SNTG2: variants seen among roughly 807,000 people sequenced by gnomAD.
SNTG2 encodes gamma-2-syntrophin.
SNTG2 carries 74 observed loss-of-function variants against 70.9 expected under a neutral mutation model. That is an observed-to-expected ratio of 1.04 (90% CI 0.86 to 1.27). The LOEUF (loss-of-function observed/expected upper bound fraction) is 1.27. Ranked by LOEUF, SNTG2 falls within the 50% of genes most tolerant of loss-of-function variation. The pLI, the probability that SNTG2 is intolerant of heterozygous loss-of-function variation, is 0.00. For synonymous variants in SNTG2, 278 were observed against 273.8 expected, an observed-to-expected ratio of 1.02 and a Z score of -0.15; for missense variants, 717 against 690.7, an observed-to-expected ratio of 1.04 and a Z score of -0.43.
At chr2:1,199,202 C>T (rs576162904) in intron 8 of SNTG2, among the ~76,000 whole-genome samples, 8 of 151,196 alleles carry the variant, frequency 5.3e-5, no homozygotes, top group Non-Finnish European at 1.0e-4. Flanking sequence ...CAAGATTCAT[C>T]CCAGAGATGG....
chr2:1,110,605 C>G (rs1666378021), intron 4 of SNTG2, among the ~76,000 whole-genome samples: 1 of 152,182 alleles, frequency 6.6e-6, no homozygotes. Context: ...AAAGCAGAGA[C>G]TTGAGCAGCT....
At chr2:1,364,644 G>A (rs544154291) in intron 16 of SNTG2, among the ~76,000 whole-genome samples, 2 of 150,746 alleles carry the variant, frequency 1.3e-5, no homozygotes, top group South Asian at 4.2e-4. Flanking sequence ...TGTAGTCCCA[G>A]CTACTTGGGA....
At chr2:1,131,867 G>A (rs1313882670) in intron 4 of SNTG2, among the ~76,000 whole-genome samples, 1 of 151,926 alleles carries the variant, frequency 6.6e-6, no homozygotes. Flanking sequence ...AGCCAGGATG[G>A]TCTCGATCTC....
At chr2:1,325,392 G>A (rs1046859618) in intron 16 of SNTG2, among the ~76,000 whole-genome samples, 22 of 152,160 alleles carry the variant, frequency 1.4e-4, no homozygotes, top group African/African-American at 5.1e-4. Flanking sequence ...TTTTTACTCT[G>A]TAAACAAAAT....
rs542239351 is a variant in SNTG2, at chr2:1,254,553, A to G, written c.1006-4817A>G. Among the ~76,000 whole-genome samples, 7 of 152,380 alleles carry G rather than the reference A, an allele frequency of 4.6e-5. No homozygotes were observed. In the South Asian group the frequency reaches 1.4e-3, roughly 32 times the overall value. On this transcript the variant is annotated intron_variant, in intron 12 of 16. Transcript: ENST00000308624. ...ACTATCAATTACATAGGTATATTCTATCATTAAAAATATTACTTGGAAAAA... is the reference window on the plus strand; with the variant it reads ...ACTATCAATTACATAGGTATATTCTGTCATTAAAAATATTACTTGGAAAAA...
intron 2 of SNTG2, among the ~76,000 whole-genome samples, chr2:1,086,393 A>G (rs1426501418): frequency 3.3e-5 from 5 of 152,194 alleles, no homozygotes; most frequent in Non-Finnish European, 7.3e-5. Flanking sequence ...TTGAAAAACA[A>G]TCTGTCCCTT....
At chr2:1,039,368 T>C (rs1661302525) in intron 1 of SNTG2, among the ~76,000 whole-genome samples, 1 of 152,380 alleles carries the variant, frequency 6.6e-6, no homozygotes, top group African/African-American at 2.4e-5. Flanking sequence ...TAAATAACAT[T>C]GAAATGCTTT....
chr2:1,167,596 G>A (rs1206604471), intron 7 of SNTG2, among the ~76,000 whole-genome samples: 2 of 116,242 alleles, frequency 1.7e-5, no homozygotes, highest in Non-Finnish European at 3.6e-5. Flanking sequence ...CCTAGAAGCC[G>A]CCCACAGACG....
chr2:1,126,598 G>C (rs1261326914), intron 4 of SNTG2, among the ~76,000 whole-genome samples: 1 of 152,084 alleles, frequency 6.6e-6, no homozygotes, highest in East Asian at 1.9e-4. Flanking sequence ...ACCACCAGCA[G>C]TGTGAGTTTC....
chr2:992,379 TAATC>T (rs944560911), intron 1 of SNTG2, among the ~76,000 whole-genome samples: 5 of 152,204 alleles, frequency 3.3e-5, no homozygotes, highest in Admixed American at 2.6e-4. Context: ...ACAGATGTGA[TAATC>T]AAATTACAAC....
At chr2:1,119,962 T>C (rs1468209858) in intron 4 of SNTG2, among the ~76,000 whole-genome samples, 1 of 152,130 alleles carries the variant, frequency 6.6e-6, no homozygotes, top group East Asian at 1.9e-4. Flanking sequence ...ATGATCACCT[T>C]GAATATTACA....
At chr2:1,154,385 C>T (rs375639794) in intron 6 of SNTG2, among the ~76,000 whole-genome samples, 1 of 152,022 alleles carries the variant, frequency 6.6e-6, no homozygotes, top group East Asian at 1.9e-4. Context: ...AGCTTTCTGT[C>T]GGAAGATGTT....
At chr2:1,275,221 C>G (rs1309942997) in intron 14 of SNTG2, among the ~76,000 whole-genome samples, 1 of 152,240 alleles carries the variant, frequency 6.6e-6, no homozygotes, top group Non-Finnish European at 1.5e-5. Flanking sequence ...GGCTCCACCT[C>G]CCAACATCCT....
intron 1 of SNTG2, among the ~76,000 whole-genome samples, chr2:1,001,793 A>C (rs1315852108): frequency 6.6e-6 from 1 of 152,140 alleles, no homozygotes; most frequent in Non-Finnish European, 1.5e-5. Context: ...ACTAAAAAAG[A>C]GGCTGAATAG....
At chr2:1,137,025 G>A (rs549811404) in intron 4 of SNTG2, among the ~76,000 whole-genome samples, 8 of 152,276 alleles carry the variant, frequency 5.3e-5, no homozygotes, top group Non-Finnish European at 1.0e-4. Context: ...CCTTTGTTAC[G>A]AGGAAGTGAC....
chr2:1,332,631 C>T (rs909648564), intron 16 of SNTG2, among the ~76,000 whole-genome samples: 1 of 152,152 alleles, frequency 6.6e-6, no homozygotes, highest in Non-Finnish European at 1.5e-5. Context: ...GGGTTTCATA[C>T]TGAGGATGCA....
At chr2:1,341,537 G>A (rs73908862) in intron 16 of SNTG2, 3,246 of 152,390 alleles carry the variant, frequency 0.021, 101 homozygotes, top group African/African-American at 0.069. Flanking sequence ...CAGAAGAACA[G>A]GGGGAAAGTC....
At chr2:1,213,527 G>A (rs1674182227) in intron 9 of SNTG2, among the ~76,000 whole-genome samples, 1 of 152,174 alleles carries the variant, frequency 6.6e-6, no homozygotes, top group Non-Finnish European at 1.5e-5. Flanking sequence ...ATAATTATTT[G>A]CCCAATTATT....
chr2:1,083,547 T>C lies in SNTG2; in HGVS notation c.102T>C (p.Asp34=). Residue 34 remains aspartate (D), a synonymous_variant, in exon 2 of 17, where the codon GAT becomes GAC. Coordinates refer to ENST00000308624, the MANE Select transcript of SNTG2 (RefSeq NM_018968.4). The part of the protein sequence containing the change: ...RTKTTIALLY[D]EESENAYDIR... The stretch of plus-strand genomic sequence containing the variant: ...AAACCACTATTGCTCTGTTGTATGA[T>C]GAAGAGTCCGAAAATGCCTATGACA... 6.2e-7 allele frequency: 1 copy of C among 1,613,696 alleles called. No homozygotes were observed. The highest frequency in any genetic ancestry group is 1.1e-5 in the South Asian group (1 of 91,070).
Sources: allele counts gnomAD v4.1 joint callset (sites outside exome capture counted in the v4.1 genomes callset), GRCh38; gene constraint gnomAD v4.1.1; transcripts MANE v1.5; gene names NCBI Gene and HGNC (gene_info 2026-07-23, HGNC 2026-07-21).